Variants in RBFOX1 observed in about 807,000 individuals in gnomAD.
The protein encoded by RBFOX1 is RNA binding protein fox-1 homolog 1.
RBFOX1 carries 8 observed loss-of-function variants against 57.7 expected under a neutral mutation model. The observed-to-expected ratio is 0.14, with a 90% CI of 0.08 to 0.25. The LOEUF (loss-of-function observed/expected upper bound fraction) is 0.25, where lower values mean the gene tolerates loss of function less well. RBFOX1 is among the 10% of genes least tolerant of loss of function. The pLI, the probability that RBFOX1 is intolerant of heterozygous loss-of-function variation, is 1.00. For missense variants in RBFOX1, 611 were observed against 548.5 expected (o/e 1.11, Z -1.14); for synonymous variants, 326 against 222.4 (o/e 1.47, Z -4.15).
intron 4 of RBFOX1, among the ~76,000 whole-genome samples, chr16:7,213,106 G>A (rs535174368): frequency 2.6e-5 from 4 of 152,276 alleles, no homozygotes; most frequent in South Asian, 2.1e-4. Context: ...AATAGGGGTT[G>A]AGAATGGAGG....
chr16:5,584,624 T>A (rs149622109), intron 2 of RBFOX1, among the ~76,000 whole-genome samples: 2,495 of 152,264 alleles, frequency 0.016, 73 homozygotes, highest in African/African-American at 0.056. Context: ...GGTCATTGTC[T>A]CCTGAGTGTG....
At chr16:5,390,664 T>G (rs532595237) in intron 1 of RBFOX1, among the ~76,000 whole-genome samples, 8 of 152,300 alleles carry the variant, frequency 5.3e-5, no homozygotes, top group African/African-American at 1.9e-4. Flanking sequence ...CCCTCATCTT[T>G]GAAGGTGGCT....
chr16:6,173,453 G>A (rs1321047646), intron 1 of RBFOX1, among the ~76,000 whole-genome samples: 1 of 152,076 alleles, frequency 6.6e-6, no homozygotes, highest in African/African-American at 2.4e-5. Flanking sequence ...ACACACATGT[G>A]TGCATGTGCA....
chr16:6,643,055 T>C (rs534418044), intron 2 of RBFOX1, among the ~76,000 whole-genome samples: 19 of 152,312 alleles, frequency 1.2e-4, no homozygotes, highest in African/African-American at 4.6e-4. Context: ...TCTGCCACGC[T>C]GAACCTTCTT....
At chr16:7,507,991 T>C (rs997662616) in intron 4 of RBFOX1, among the ~76,000 whole-genome samples, 1 of 151,798 alleles carries the variant, frequency 6.6e-6, no homozygotes, top group South Asian at 2.1e-4. Context: ...TAAGTTTTTT[T>C]TTCTTTTCTT....
rs540663061 is a variant in RBFOX1, at chr16:7,167,111, G to A, written c.27+115013G>A. ...AGCGATTCTCCTGCCTCAGCCTCCT[G>A]AGTAGCTGAGACTACAGGTGCCTGT... On this transcript the variant is annotated intron_variant, in intron 4 of 15. Coordinates refer to ENST00000550418, the MANE Select transcript of RBFOX1 (RefSeq NM_018723.4). 2.0e-5 allele frequency among the ~76,000 whole-genome samples: 3 copies of A among 150,676 alleles called. No individual in the cohort carries two copies. In the East Asian group the frequency reaches 5.9e-4, roughly 30 times the overall value.
chr16:6,644,127 A>G (rs12933136), intron 2 of RBFOX1, among the ~76,000 whole-genome samples: 11,755 of 152,222 alleles, frequency 0.077, 618 homozygotes, highest in East Asian at 0.15. Flanking sequence ...CTCCATCTCA[A>G]TAATAATAGT....
Position 6,568,453 on chromosome 16 carries a change from G to C in RBFOX1, c.-63-86150G>C, listed in dbSNP as rs745594348. Among the ~76,000 whole-genome samples, 39 of 152,184 alleles carry C rather than the reference G, an allele frequency of 2.6e-4. 2 individuals carry two copies. The highest frequency in any genetic ancestry group is 1.3e-4 in the Admixed American group (2 of 15,280). Reference sequence around the variant, plus strand: ...AAAGCGGGGAGAGAAAAGGGAGAAAGAAGGGAGAGATGCTAAGATGGAAGC... The same window carrying C: ...AAAGCGGGGAGAGAAAAGGGAGAAACAAGGGAGAGATGCTAAGATGGAAGC... On this transcript the variant is annotated intron_variant, in intron 2 of 15. Transcript: ENST00000550418.
intron 2 of RBFOX1, among the ~76,000 whole-genome samples, chr16:6,344,300 C>A (rs536779438): frequency 3.8e-4 from 58 of 152,186 alleles, no homozygotes; most frequent in African/African-American, 1.2e-3. Context: ...ATCCACCCAC[C>A]TTGGCCTCCC....
intron 4 of RBFOX1, among the ~76,000 whole-genome samples, chr16:7,239,815 A>C (rs2093965068): frequency 6.6e-6 from 1 of 152,216 alleles, no homozygotes; most frequent in Non-Finnish European, 1.5e-5. Flanking sequence ...AGAAGAAAAC[A>C]AATATCATTT....
At chr16:6,649,190 A>G (rs1328518662) in intron 2 of RBFOX1, among the ~76,000 whole-genome samples, 2 of 152,146 alleles carry the variant, frequency 1.3e-5, no homozygotes, top group Non-Finnish European at 2.9e-5. Flanking sequence ...TGTTTCATGC[A>G]GTATTTGTCT....
chr16:5,742,186 C>G (rs181248855), intron 3 of RBFOX1, among the ~76,000 whole-genome samples: 2 of 151,734 alleles, frequency 1.3e-5, no homozygotes, highest in Non-Finnish European at 2.9e-5. Flanking sequence ...ATCCGTCCTT[C>G]CCTTCCTTCC....
At chr16:6,748,609 T>C (rs1238561150) in intron 3 of RBFOX1, among the ~76,000 whole-genome samples, 1 of 152,154 alleles carries the variant, frequency 6.6e-6, no homozygotes, top group Admixed American at 6.5e-5. Context: ...TTGTGAGTTA[T>C]AATTACACCA....
intron 3 of RBFOX1, among the ~76,000 whole-genome samples, chr16:6,977,962 C>G (rs1458720481): frequency 1.0e-5 from 1 of 95,518 alleles, no homozygotes; most frequent in South Asian, 3.6e-4. Context: ...GGCAAACCTC[C>G]TTTCCCAATG....
intron 3 of RBFOX1, among the ~76,000 whole-genome samples, chr16:6,999,044 T>A (rs138934024): frequency 0.017 from 2,547 of 151,452 alleles, 36 homozygotes; most frequent in South Asian, 0.03. Context: ...AATTTTTGTA[T>A]TATTAGTAGA....
chr16:5,793,731 G>A (rs1448351827), intron 3 of RBFOX1, among the ~76,000 whole-genome samples: 1 of 152,226 alleles, frequency 6.6e-6, no homozygotes, highest in African/African-American at 2.4e-5. Context: ...CTGGATCTAT[G>A]TACATGTGCC....
intron 3 of RBFOX1, among the ~76,000 whole-genome samples, chr16:5,721,862 C>G (rs1302196896): frequency 6.6e-6 from 1 of 152,162 alleles, no homozygotes; most frequent in African/African-American, 2.4e-5. Flanking sequence ...CGGTCCCAGA[C>G]AGAGGACCAA....
intron 3 of RBFOX1, among the ~76,000 whole-genome samples, chr16:5,725,152 C>T (rs1400277472): frequency 2.0e-5 from 3 of 152,202 alleles, no homozygotes. Context: ...ATACCTGTTG[C>T]AGAGGAGGCT....
At chr16:6,989,834 T>A (rs2091109075) in intron 3 of RBFOX1, among the ~76,000 whole-genome samples, 1 of 151,982 alleles carries the variant, frequency 6.6e-6, no homozygotes, top group Non-Finnish European at 1.5e-5. Context: ...ATTCCATCTC[T>A]ACTAAAAATA....
Sources: gnomAD v4.1 joint callset for allele counts (sites outside exome capture counted in the v4.1 genomes callset) on GRCh38, gnomAD v4.1.1 for gene constraint, MANE v1.5 for transcripts, NCBI Gene and HGNC (gene_info 2026-07-23, HGNC 2026-07-21) for gene names.